The following FAM234B variants were observed in gnomAD, a reference collection of about 807,000 sequenced individuals.
The protein encoded by FAM234B is protein FAM234B.
A neutral mutation model predicts 69.3 loss-of-function variants in FAM234B; 33 were observed. The observed-to-expected ratio is 0.48, with a 90% CI of 0.36 to 0.64. The LOEUF is 0.64. Among genes scored for constraint, FAM234B ranks in the 30% least tolerant of loss-of-function variants. The pLI is 0.00. For synonymous variants in FAM234B, 306 were observed against 306.9 expected (o/e 1.00, Z 0.03); for missense variants, 697 against 769.7 (o/e 0.91, Z 1.12).
intron 1 of FAM234B, among the ~76,000 whole-genome samples, chr12:13,049,011 C>T (rs1274459875): frequency 6.6e-6 from 1 of 152,158 alleles, no homozygotes; most frequent in Non-Finnish European, 1.5e-5. Flanking sequence ...CTGGGTCCCT[C>T]CCACAACACA....
chr12:13,081,055 G>T lies in FAM234B; in HGVS notation c.*425G>T. ...TTCCAGGTATGTCCTAAGCTTCAGG[G>T]ATCCAGTTTCTTGTCCTTCTGAAAT... On this transcript the variant is annotated 3_prime_UTR_variant, in exon 13 of 13. Coordinates refer to ENST00000197268, the MANE Select transcript of FAM234B (RefSeq NM_020853.2). 1 of 158,938 alleles carries T rather than the reference G, an allele frequency of 6.3e-6. No individual in the cohort carries two copies. The highest frequency in any genetic ancestry group is 1.4e-5 in the Non-Finnish European group (1 of 72,428). The allele number at this position is 158,938 out of a possible 1,614,324, so 9.8% of individuals were successfully genotyped here. A position where few individuals can be genotyped will look rare whatever the true frequency, so the allele number is the denominator to read the frequency against.
In FAM234B at chr12:13,063,296, A is replaced by C. The variant is rs531163217; in HGVS notation, c.852+321A>C. Reference sequence around the variant, plus strand: ...AGCCTGTCCAAGCTCTGGTTTCTTCATATGTAAAAAAGGCATGTTATATCT... The same window carrying C: ...AGCCTGTCCAAGCTCTGGTTTCTTCCTATGTAAAAAAGGCATGTTATATCT... On this transcript the variant is annotated intron_variant, in intron 5 of 12. Transcript: ENST00000197268. Among the ~76,000 whole-genome samples the C allele has an allele frequency of 5.9e-5, 9 of 152,304 alleles. No individual in the cohort carries two copies. In the South Asian group the frequency reaches 1.7e-3, roughly 28 times the overall value.
rs1361028481 is a variant in FAM234B at position 13,068,445 on chromosome 12, C to T, written c.1284C>T (p.Arg428=). ...PYWALRLQGL[R]SQPTPGYFTD... is the part of the protein sequence containing the mutation. ...GGGCATTGAGACTTCAAGGCCTGCG[C>T]AGGTTTGCATTGTGTTCCTTCTTGT... Residue 428 remains arginine (R), a splice_region_variant and synonymous_variant, in exon 8 of 13, where the codon CGC becomes CGT. Transcript: ENST00000197268. The T allele has an allele frequency of 1.1e-5, 17 of 1,614,052 alleles. No homozygotes were observed. The highest frequency in any genetic ancestry group is 1.4e-5 in the Non-Finnish European group (17 of 1,179,970).
intron 2 of FAM234B, among the ~76,000 whole-genome samples, chr12:13,056,501 C>T (rs1485796402): frequency 6.6e-6 from 1 of 152,134 alleles, no homozygotes; most frequent in African/African-American, 2.4e-5. Flanking sequence ...AAACCTCTTG[C>T]TCTGGAATGG....
chr12:13,059,214 C>T (rs1362433429), intron 3 of FAM234B, among the ~76,000 whole-genome samples: 1 of 152,244 alleles, frequency 6.6e-6, no homozygotes, highest in Non-Finnish European at 1.5e-5. Flanking sequence ...ATGGCTGCTA[C>T]AGCCTTGACC....
intron 5 of FAM234B, among the ~76,000 whole-genome samples, chr12:13,063,343 A>T (rs1176022562): frequency 6.6e-6 from 1 of 152,222 alleles, no homozygotes; most frequent in Admixed American, 6.5e-5. Context: ...TGTTATGAAA[A>T]TTACAGCTAA....
At chr12:13,068,553 A>G in intron 8 of FAM234B, 77 bp from the exon 9 acceptor site, 1 of 1,582,704 alleles carries the variant, frequency 6.3e-7, no homozygotes, top group Admixed American at 1.7e-5. Flanking sequence ...GGCCAGTGCA[A>G]GAGAAGGGAG....
At chr12:13,075,915 T>C (rs1305730568) in intron 10 of FAM234B, 111 bp from the exon 11 acceptor site, 3 of 800,146 alleles carry the variant, frequency 3.7e-6, no homozygotes, top group Non-Finnish European at 6.7e-6. Context: ...GGCATTAGCA[T>C]CTGAGAGGAA....
intron 11 of FAM234B, among the ~76,000 whole-genome samples, 161 bp downstream of exon 11, chr12:13,076,304 G>C (rs1313961218): frequency 6.6e-6 from 1 of 152,218 alleles, no homozygotes; most frequent in African/African-American, 2.4e-5. Flanking sequence ...TTGCTGGAAT[G>C]CTCCCCTGGG....
rs751384796 is a variant in FAM234B, at chr12:13,063,013, G to A, written c.852+38G>A. 1.9e-6 allele frequency: 3 copies of A among 1,605,994 alleles called. No homozygotes were observed. The African/African-American group carries it at 4.0e-5, about 22-fold the overall frequency. Reference sequence around the variant, plus strand: ...TTAAATGTTTTTTGTTTCTTATAGGGACTGCTTCTATTTTAGTTGTCTCAG... The same window carrying A: ...TTAAATGTTTTTTGTTTCTTATAGGAACTGCTTCTATTTTAGTTGTCTCAG... On this transcript the variant is annotated intron_variant, in intron 5 of 12. Transcript: ENST00000197268.
rs1243114161 is a variant in FAM234B at position 13,055,754 on chromosome 12, G to A, written c.241G>A (p.Gly81Ser). The change falls in exon 2 of 13, where the codon GGC becomes AGC. Residue 81 changes from glycine (G) to serine (S), a missense_variant. Coordinates refer to ENST00000197268, the MANE Select transcript of FAM234B (RefSeq NM_020853.2). The stretch of plus-strand genomic sequence containing the variant: ...ACATCTTTCAGAAGTCACCACGGAG[G>A]GCTACCCCTCAGAACCCCTTGGGGG... ...KPHLSEVTTE[G>S]YPSEPLGGLE... is the part of the protein sequence containing the mutation. 1 of 1,614,076 alleles carries A rather than the reference G, an allele frequency of 6.2e-7. No individual in the cohort carries two copies. The highest frequency in any genetic ancestry group is 8.5e-7 in the Non-Finnish European group (1 of 1,180,030).
At chr12:13,079,654 T>G (rs1182132326) in intron 11 of FAM234B, 135 bp from the exon 12 acceptor site, 11 of 616,152 alleles carry the variant, frequency 1.8e-5, no homozygotes, top group Non-Finnish European at 2.6e-5. Context: ...GCTCACTGCC[T>G]TCTGTTTATT....
rs191013711 is a variant in FAM234B at position 13,062,875 on chromosome 12, A to G, written c.752A>G (p.Tyr251Cys). The change falls in exon 5 of 13, where the codon TAC (tyrosine) becomes TGC (cysteine). Residue 251 changes from tyrosine (Y) to cysteine (C), a missense_variant. Physicochemically the swap from Tyr to Cys is radical, Grantham distance 194. Transcript: ENST00000197268. ...GCCATTTGGACTTTAAACCCAAACT[A>G]CTTGTCCAACGGTACCTTGGCTGCC... ...GKAIWTLNPN[Y>C]LSNGTLAAPV... 1.4e-5 allele frequency: 22 copies of G among 1,613,852 alleles called. No individual in the cohort carries two copies. The Admixed American group carries it at 3.5e-4, about 26-fold the overall frequency.
chr12:13,077,114 G>A (rs927134401), intron 11 of FAM234B, among the ~76,000 whole-genome samples: 1 of 152,140 alleles, frequency 6.6e-6, no homozygotes, highest in Non-Finnish European at 1.5e-5. Context: ...GGTGGGGGCA[G>A]GGAGGTATGA....
At position 13,066,670 on chromosome 12, in the gene FAM234B, C is replaced by G. The variant is rs367547952; in HGVS notation, c.883C>G (p.Arg295Gly). 6.2e-7 allele frequency: 1 copy of G among 1,613,614 alleles called. No individual in the cohort carries two copies. Among genetic ancestry groups the G allele is most frequent in the Non-Finnish European group, 8.5e-7 (1 of 1,179,782 alleles). Residue 295 changes from arginine (R) to glycine (G), a missense_variant, in exon 6 of 13, where the codon CGG (arginine) becomes GGG (glycine). Physicochemically the swap from Arg to Gly is moderately radical, Grantham distance 125. Coordinates refer to ENST00000197268, the MANE Select transcript of FAM234B (RefSeq NM_020853.2). Reference protein sequence around the residue: ...PDLCFLLVSGRTGNPVGRPVK... With the variant: ...PDLCFLLVSGGTGNPVGRPVK... The stretch of plus-strand genomic sequence containing the variant: ...TCTGTGCTTTCTGCTGGTGTCTGGC[C>G]GGACCGGAAATCCAGTGGGTCGACC...
chr12:13,065,028 T>C (rs1259667347), intron 5 of FAM234B, among the ~76,000 whole-genome samples: 1 of 152,148 alleles, frequency 6.6e-6, no homozygotes, highest in Admixed American at 6.5e-5. Flanking sequence ...ATTACAGACA[T>C]GTTGGCACCC....
intron 1 of FAM234B, among the ~76,000 whole-genome samples, chr12:13,046,537 C>T (rs1025099123): frequency 2.0e-5 from 3 of 151,660 alleles, no homozygotes; most frequent in East Asian, 1.9e-4. Flanking sequence ...CTCGGCTCAC[C>T]GCAACCTCCG....
intron 1 of FAM234B, among the ~76,000 whole-genome samples, chr12:13,048,786 GAA>G (rs1487774361): frequency 6.6e-6 from 1 of 152,212 alleles, no homozygotes; most frequent in African/African-American, 2.4e-5. Context: ...ATTTATAAAA[GAA>G]AGAGGTTTAA....
chr12:13,052,422 G>GATAT (rs5796519), intron 1 of FAM234B, among the ~76,000 whole-genome samples: 20 of 150,146 alleles, frequency 1.3e-4, no homozygotes, highest in South Asian at 4.2e-4. Flanking sequence ...CTGTTTTTCA[G>GATAT]ATATATATAT....
Sources: gnomAD v4.1 joint callset for allele counts (sites outside exome capture counted in the v4.1 genomes callset) on GRCh38, gnomAD v4.1.1 for gene constraint, MANE v1.5 for transcripts, NCBI Gene and HGNC (gene_info 2026-07-23, HGNC 2026-07-21) for gene names.